FGD4: variants seen among roughly 807,000 people sequenced by gnomAD.
The protein encoded by FGD4 is FYVE, RhoGEF and PH domain containing 4.
A neutral mutation model predicts 102.0 loss-of-function variants in FGD4; 42 were observed. The ratio of observed to expected loss-of-function variants is 0.41; its 90% CI spans 0.32 to 0.53. The LOEUF (loss-of-function observed/expected upper bound fraction) is 0.53, where lower values mean the gene tolerates loss of function less well. Ranked by LOEUF, FGD4 falls within the 20% of genes least tolerant of loss-of-function variation. FGD4 has a pLI of 0.21. For missense variants in FGD4, 902 were observed against 1,078.2 expected (o/e 0.84, Z 2.29); for synonymous variants, 380 against 375.7 (o/e 1.01, Z -0.13).
rs1944993637 is a variant in FGD4, at chr12:32,564,210, G to A, written c.240G>A (p.Glu80=). Residue 80 remains glutamate, a synonymous_variant, in exon 2 of 17, where the codon GAG becomes GAA. Transcript: ENST00000534526. ...GCAGCACAACCACACTGGTTGGTGA[G>A]AATGTATCTGAAGAAGAGGCTCAGG... ...STSSTTTLVG[E]NVSEEEAQGI... is the part of the protein sequence containing the mutation. The A allele has an allele frequency of 6.5e-7, 1 of 1,536,126 alleles. No homozygotes were observed. Among genetic ancestry groups the A allele is most frequent in the Non-Finnish European group, 8.7e-7 (1 of 1,146,896 alleles).
Position 32,582,366 on chromosome 12 carries a change from CT to C in FGD4, c.911del (p.Leu304GlnfsTer33), listed in dbSNP as rs1158526608. 6.2e-7 allele frequency: 1 copy of C among 1,613,942 alleles called. No individual in the cohort carries two copies. The highest frequency in any genetic ancestry group is 1.3e-5 in the African/African-American group (1 of 74,906). ...TCCAGGCATAGGCCCAGTGCTCCCC[CT>C]AGAAGAAAGAGGGGCAGAAACAGAA... is the stretch of plus-strand genomic sequence containing the variant. ...RTPGIGPVLPLEERGAETETK... is the reference protein window; with the variant it reads ...RTPGIGPVLPXEERGAETETK... On this transcript the variant is annotated frameshift_variant, in exon 4 of 17. Coordinates refer to ENST00000534526, the MANE Select transcript of FGD4 (RefSeq NM_001370298.3). LOFTEE classifies it high-confidence loss of function.
At chr12:32,510,574 A>T (rs1939256367) in intron 1 of FGD4, among the ~76,000 whole-genome samples, 1 of 152,212 alleles carries the variant, frequency 6.6e-6, no homozygotes, top group Admixed American at 6.5e-5. Context: ...AAGACATTAT[A>T]ATCTAGTAGG....
intron 1 of FGD4, among the ~76,000 whole-genome samples, chr12:32,530,570 G>C (rs2136827885): frequency 6.6e-6 from 1 of 152,288 alleles, no homozygotes; most frequent in Non-Finnish European, 1.5e-5. Context: ...TACAAGGAGG[G>C]AGAGGTGAAA....
intron 1 of FGD4, among the ~76,000 whole-genome samples, chr12:32,503,365 A>G (rs980415706): frequency 1.3e-5 from 2 of 152,176 alleles, no homozygotes; most frequent in African/African-American, 4.8e-5. Flanking sequence ...CATCTTGGAC[A>G]TTTGTGCCAG....
At chr12:32,534,308 A>G (rs950872314) in intron 1 of FGD4, 3 of 1,336,594 alleles carry the variant, frequency 2.2e-6, no homozygotes, top group South Asian at 2.1e-5. Context: ...AAGTTCGAAG[A>G]ATGCACTGAA....
At chr12:32,636,768 T>G (rs1950845851) in intron 15 of FGD4, among the ~76,000 whole-genome samples, 1 of 151,872 alleles carries the variant, frequency 6.6e-6, no homozygotes, top group Non-Finnish European at 1.5e-5. Flanking sequence ...ACCTGAAGGG[T>G]TTTGGAGACA....
intron 1 of FGD4, among the ~76,000 whole-genome samples, chr12:32,414,927 A>G (rs1265471265): frequency 6.6e-6 from 1 of 152,036 alleles, no homozygotes; most frequent in Admixed American, 6.6e-5. Context: ...CATAGGTGTA[A>G]ATTTCCTTCT....
intron 1 of FGD4, among the ~76,000 whole-genome samples, chr12:32,489,767 CGT>C (rs1565772854): frequency 6.6e-6 from 1 of 151,860 alleles, no homozygotes; most frequent in East Asian, 1.9e-4. Flanking sequence ...CCCTATTTTT[CGT>C]GTGGAGAAAG....
At chr12:32,501,693 T>C (rs7962342) in intron 1 of FGD4, among the ~76,000 whole-genome samples, 42,078 of 152,190 alleles carry the variant, frequency 0.28, 6,438 homozygotes, top group Middle Eastern at 0.46. Context: ...TTGAGTATTA[T>C]ATTTGTTTTA....
Position 32,645,293 on chromosome 12 carries a change from C to G in FGD4, c.*4760C>G, listed in dbSNP as rs910011443. 1 of 145,100 alleles carries G rather than the reference C, an allele frequency of 6.9e-6. No individual in the cohort carries two copies. The highest frequency in any genetic ancestry group is 1.5e-5 in the Non-Finnish European group (1 of 65,762). 9.0% of individuals were successfully genotyped at this position (145,100 alleles called of 1,614,324 possible). ...CAGTCATGTCTGTCTGTATATAAGACTTTTTTTTTTTTAACCAAACTAGCA... is the reference window on the plus strand; with the variant it reads ...CAGTCATGTCTGTCTGTATATAAGAGTTTTTTTTTTTTAACCAAACTAGCA... On this transcript the variant is annotated 3_prime_UTR_variant, in exon 17 of 17. Coordinates refer to ENST00000534526, the MANE Select transcript of FGD4 (RefSeq NM_001370298.3).
chr12:32,558,045 G>T (rs907446848), intron 1 of FGD4, among the ~76,000 whole-genome samples: 1 of 152,156 alleles, frequency 6.6e-6, no homozygotes, highest in African/African-American at 2.4e-5. Flanking sequence ...AGTGAGATGG[G>T]TGCATTGCCT....
chr12:32,609,558 C>T (rs999840), intron 8 of FGD4, among the ~76,000 whole-genome samples: 54,166 of 151,998 alleles, frequency 0.36, 9,820 homozygotes, highest in South Asian at 0.5. Flanking sequence ...GTTTATTCTA[C>T]ACTCAGACTT....
chr12:32,633,608 G>T lies in FGD4; in HGVS notation c.2232G>T (p.Leu744Phe). 6.2e-7 allele frequency: 1 copy of T among 1,613,832 alleles called. No individual in the cohort carries two copies. Among genetic ancestry groups the T allele is most frequent in the South Asian group, 1.1e-5 (1 of 91,002 alleles). ...KAQLEYDGGKLSKVCKDCYQI... is the reference protein window; with the variant it reads ...KAQLEYDGGKFSKVCKDCYQI... ...AACTTGAATATGATGGTGGTAAATT[G>T]AGCAAAGTTTGTAAAGACTGTTATC... The change falls in exon 15 of 17, where the codon TTG (leucine) becomes TTT (phenylalanine). Residue 744 changes from leucine to phenylalanine, a missense_variant. Around this residue, in one of 2 missense-constraint regions of FGD4, gnomAD observed 459 missense variants for 619.0 expected, o/e 0.74. Transcript: ENST00000534526.
At chr12:32,410,534 A>G (rs577250416) in intron 1 of FGD4, among the ~76,000 whole-genome samples, 20 of 152,138 alleles carry the variant, frequency 1.3e-4, no homozygotes, top group Non-Finnish European at 4.4e-5. Context: ...CATTGTCTTG[A>G]ATTTGTCATC....
intron 1 of FGD4, among the ~76,000 whole-genome samples, chr12:32,469,733 C>T (rs1057419506): frequency 6.6e-6 from 1 of 151,946 alleles, no homozygotes; most frequent in African/African-American, 2.4e-5. Flanking sequence ...AATCTCGACT[C>T]ATCGCAACCT....
intron 1 of FGD4, among the ~76,000 whole-genome samples, chr12:32,476,870 G>A (rs1318045793): frequency 6.6e-6 from 1 of 152,208 alleles, no homozygotes. Flanking sequence ...AGTGGGGGTA[G>A]TGGCAGAAGT....
At chr12:32,413,259 C>T (rs532476669) in intron 1 of FGD4, among the ~76,000 whole-genome samples, 6 of 151,780 alleles carry the variant, frequency 4.0e-5, no homozygotes, top group African/African-American at 1.5e-4. Flanking sequence ...GCACGTGTAT[C>T]CCAGAACTTA....
intron 1 of FGD4, among the ~76,000 whole-genome samples, chr12:32,472,587 C>T (rs954961663): frequency 6.6e-6 from 1 of 152,252 alleles, no homozygotes; most frequent in African/African-American, 2.4e-5. Flanking sequence ...ACTCCATGGG[C>T]TCCTGTGTGG....
chr12:32,601,357 T>C lies in FGD4; in HGVS notation c.1181T>C (p.Ile394Thr), dbSNP rs1948412120. Residue 394 changes from isoleucine to threonine, a missense_variant, in exon 6 of 17, where the codon ATT becomes ACT. Around this residue, in one of 2 missense-constraint regions of FGD4, gnomAD observed 459 missense variants for 619.0 expected, o/e 0.74. Transcript: ENST00000534526. ...ATGGTGAATAAAATCTTTTCTAATA[T>C]TTCATCAATAAATGCCTTCCATAGT... ...AEMVNKIFSN[I>T]SSINAFHSKF... is the part of the protein sequence containing the mutation. 6.2e-7 allele frequency: 1 copy of C among 1,614,008 alleles called. No individual in the cohort carries two copies. The highest frequency in any genetic ancestry group is 8.5e-7 in the Non-Finnish European group (1 of 1,180,014).
Sources: gnomAD v4.1 joint callset for allele counts (sites outside exome capture counted in the v4.1 genomes callset) on GRCh38, gnomAD v4.1.1 for gene constraint, gnomAD v4.1.1 regional missense constraint, MANE v1.5 for transcripts, NCBI Gene and HGNC (gene_info 2026-07-23, HGNC 2026-07-21) for gene names.